The following GREB1L variants were observed in gnomAD, a reference collection of about 807,000 sequenced individuals.
GREB1L encodes the protein GREB1 like retinoic acid receptor coactivator.
In GREB1L, 17 loss-of-function variants were observed where a neutral mutation model predicts 200.8. The observed-to-expected ratio is 0.08, with a 90% CI of 0.06 to 0.13. The LOEUF is 0.13. Among genes scored for constraint, GREB1L ranks in the 10% least tolerant of loss-of-function variants. The probability of loss-of-function intolerance (pLI) is 1.00; values close to 1 mark genes in which losing one functional copy is unlikely to be tolerated. For missense variants in GREB1L, 1,657 were observed against 2,367.7 expected (o/e 0.70, Z 6.23); for synonymous variants, 789 against 893.0 (o/e 0.88, Z 2.08).
At chr18:21,489,207 C>G (rs1303669321) in intron 18 of GREB1L, among the ~76,000 whole-genome samples, 1 of 152,164 alleles carries the variant, frequency 6.6e-6, no homozygotes, top group Non-Finnish European at 1.5e-5. Context: ...TCTTCCCTGG[C>G]AGTCCAGGCT....
intron 1 of GREB1L, among the ~76,000 whole-genome samples, chr18:21,331,934 C>T: frequency 6.6e-6 from 1 of 152,336 alleles, no homozygotes; most frequent in East Asian, 1.9e-4. Context: ...ACATTCTTCA[C>T]AGTCACTCTG....
chr18:21,407,021 C>T (rs1326251913), intron 7 of GREB1L, among the ~76,000 whole-genome samples: 1 of 152,030 alleles, frequency 6.6e-6, no homozygotes, highest in Non-Finnish European at 1.5e-5. Context: ...ATTACAGGCG[C>T]ATGCCACCAC....
At chr18:21,416,126 A>G (rs1598794356) in intron 7 of GREB1L, among the ~76,000 whole-genome samples, 1 of 152,234 alleles carries the variant, frequency 6.6e-6, no homozygotes, top group East Asian at 1.9e-4. Flanking sequence ...CAGATACGAA[A>G]AAGACCCAAA....
intron 23 of GREB1L, 76 bp from the exon 24 acceptor site, chr18:21,505,336 A>G: frequency 7.2e-7 from 1 of 1,389,412 alleles, no homozygotes; most frequent in Non-Finnish European, 9.8e-7. Flanking sequence ...TCTACGTCCC[A>G]TAAAAGCCAT....
In GREB1L at chr18:21,525,209, T is replaced by G. The variant is rs2037665200; in HGVS notation, c.*2388T>G. 6.6e-6 allele frequency: 1 copy of G among 152,170 alleles called. No individual in the cohort carries two copies. The highest frequency in any genetic ancestry group is 2.4e-5 in the African/African-American group (1 of 41,446). The allele number at this position is 152,170 out of a possible 1,614,324, so 9.4% of individuals were successfully genotyped here. On this transcript the variant is annotated 3_prime_UTR_variant, in exon 33 of 33. Transcript: ENST00000424526. ...AGAAGACAATTGTTATAATTTTTTT[T>G]GGCTGTAATTTATGCAATTGCTTTT...
At chr18:21,487,318 T>C (rs1598914610) in intron 18 of GREB1L, among the ~76,000 whole-genome samples, 1 of 152,246 alleles carries the variant, frequency 6.6e-6, no homozygotes, top group African/African-American at 2.4e-5. Flanking sequence ...TTGGAGAAAC[T>C]GTGCACTTCT....
chr18:21,411,485 C>A (rs187774528), intron 7 of GREB1L, among the ~76,000 whole-genome samples: 316 of 151,694 alleles, frequency 2.1e-3, no homozygotes, highest in Middle Eastern at 0.011. Flanking sequence ...GGATTACAGG[C>A]GTGAGCCACG....
intron 1 of GREB1L, among the ~76,000 whole-genome samples, chr18:21,308,775 A>T (rs374921635): frequency 6.6e-6 from 1 of 152,188 alleles, no homozygotes; most frequent in Non-Finnish European, 1.5e-5. Flanking sequence ...CTGTGTCCCT[A>T]CAGCTCATGG....
intron 2 of GREB1L, among the ~76,000 whole-genome samples, chr18:21,369,820 G>A (rs1319839284): frequency 6.6e-6 from 1 of 151,508 alleles, no homozygotes; most frequent in Non-Finnish European, 1.5e-5. Flanking sequence ...GTGGTGGCAC[G>A]CGCCTGTAAT....
intron 7 of GREB1L, among the ~76,000 whole-genome samples, chr18:21,426,973 C>CAAAAAAAAA (rs56776768): frequency 2.4e-5 from 2 of 83,788 alleles, no homozygotes; most frequent in African/African-American, 6.4e-5. Context: ...AAAAAAAAAA[C>CAAAAAAAAA]AAAAAAAAAA....
intron 7 of GREB1L, among the ~76,000 whole-genome samples, chr18:21,433,234 A>G (rs1397808835): frequency 2.0e-5 from 3 of 152,166 alleles, no homozygotes; most frequent in Non-Finnish European, 2.9e-5. Context: ...TTATTTAACT[A>G]TGGATTGTTG....
At chr18:21,393,079 A>G (rs2040894668) in intron 4 of GREB1L, among the ~76,000 whole-genome samples, 1 of 152,034 alleles carries the variant, frequency 6.6e-6, no homozygotes, top group South Asian at 2.1e-4. Context: ...GCCTCATCCA[A>G]TGTTTTCATG....
At chr18:21,255,742 A>G (rs1022971035) in intron 1 of GREB1L, among the ~76,000 whole-genome samples, 20 of 152,344 alleles carry the variant, frequency 1.3e-4, no homozygotes, top group Middle Eastern at 3.4e-3. Context: ...TCTTTACAAT[A>G]TTAATATTCT....
intron 1 of GREB1L, among the ~76,000 whole-genome samples, chr18:21,301,843 A>C (rs2038622359): frequency 6.6e-6 from 1 of 152,228 alleles, no homozygotes; most frequent in African/African-American, 2.4e-5. Flanking sequence ...CTAATATGGT[A>C]CAGGCCATTG....
At chr18:21,414,216 AT>A (rs2031390958) in intron 7 of GREB1L, among the ~76,000 whole-genome samples, 1 of 152,228 alleles carries the variant, frequency 6.6e-6, no homozygotes, top group Non-Finnish European at 1.5e-5. Context: ...AAAAAAGATC[AT>A]TATGAACCGT....
intron 6 of GREB1L, among the ~76,000 whole-genome samples, chr18:21,403,608 G>T (rs1353014875): frequency 6.6e-6 from 1 of 152,134 alleles, no homozygotes; most frequent in African/African-American, 2.4e-5. Flanking sequence ...TATTGGTTAC[G>T]AGTATTTTTC....
chr18:21,299,641 AC>A (rs1202425644), intron 1 of GREB1L, among the ~76,000 whole-genome samples: 10 of 151,798 alleles, frequency 6.6e-5, no homozygotes, highest in Admixed American at 5.9e-4. Flanking sequence ...TCTGGATGTG[AC>A]CCACTAAGAT....
At chr18:21,253,093 AGATCAATCTACCCT>A (rs2037738512) in intron 1 of GREB1L, among the ~76,000 whole-genome samples, 1 of 152,128 alleles carries the variant, frequency 6.6e-6, no homozygotes, top group Non-Finnish European at 1.5e-5. Context: ...TTAGAGCCAT[AGATCAATCTACCCT>A]GAGAGGAAAA....
intron 1 of GREB1L, among the ~76,000 whole-genome samples, chr18:21,268,560 C>CATATATAT (rs370094258): frequency 2.3e-3 from 148 of 63,508 alleles, no homozygotes; most frequent in African/African-American, 5.1e-3. Flanking sequence ...CACACACACA[C>CATATATAT]ATATATATAT....
Sources: gnomAD v4.1 joint callset for allele counts (sites outside exome capture counted in the v4.1 genomes callset) on GRCh38, gnomAD v4.1.1 for gene constraint, MANE v1.5 for transcripts, NCBI Gene and HGNC (gene_info 2026-07-23, HGNC 2026-07-21) for gene names.